Variants in MARCHF1 observed in about 807,000 individuals in gnomAD.
MARCHF1 encodes membrane associated ring-CH-type finger 1.
Under a neutral mutation model 54.2 loss-of-function variants are expected in MARCHF1, and 40 were observed. The ratio of observed to expected loss-of-function variants is 0.74; its 90% CI spans 0.57 to 0.96. The LOEUF (loss-of-function observed/expected upper bound fraction) is 0.96, where lower values mean the gene tolerates loss of function less well. Ranked by LOEUF, MARCHF1 falls within the 40% of genes least tolerant of loss-of-function variation. The probability of loss-of-function intolerance (pLI) is 0.00; values close to 1 mark genes in which losing one functional copy is unlikely to be tolerated. For synonymous variants in MARCHF1, 236 were observed against 236.3 expected, an observed-to-expected ratio of 1.00 and a Z score of 0.01; for missense variants, 586 against 656.5, an observed-to-expected ratio of 0.89 and a Z score of 1.17.
rs1365562447 is a variant in MARCHF1, at chr4:163,526,829, C to T, written c.*1919G>A. 1 of 151,940 alleles carries T rather than the reference C, an allele frequency of 6.6e-6. No individual in the cohort carries two copies. Among genetic ancestry groups the T allele is most frequent in the African/African-American group, 2.4e-5 (1 of 41,426 alleles). 9.4% of individuals were successfully genotyped at this position (151,940 alleles called of 1,614,324 possible). A position where few individuals can be genotyped will look rare whatever the true frequency, so the allele number is the denominator to read the frequency against. ...TTCCCCGCATATATACATGACTACA[C>T]ACACGCCATACACACACACAAAATT... On this transcript the variant is annotated 3_prime_UTR_variant, in exon 10 of 10. Coordinates refer to ENST00000514618, the MANE Select transcript of MARCHF1 (RefSeq NM_001394959.1).
chr4:164,043,361 C>T (rs1579485498), intron 2 of MARCHF1, among the ~76,000 whole-genome samples: 1 of 152,112 alleles, frequency 6.6e-6, no homozygotes, highest in Admixed American at 6.5e-5. Flanking sequence ...GGCCCAATAC[C>T]ACATGGAAAC....
intron 2 of MARCHF1, among the ~76,000 whole-genome samples, chr4:164,081,370 A>G (rs538365313): frequency 6.6e-6 from 1 of 152,216 alleles, no homozygotes; most frequent in Non-Finnish European, 1.5e-5. Flanking sequence ...GGGAAATAAT[A>G]CTGTTTTAAT....
chr4:164,011,396 TA>T (rs59538781), intron 2 of MARCHF1, among the ~76,000 whole-genome samples: 148,370 of 152,276 alleles, frequency 0.97, 72,400 homozygotes, highest in South Asian at 1. Flanking sequence ...AACCATAATA[TA>T]ATGAAAAGCT....
At chr4:164,150,970 C>G (rs1177979856) in intron 1 of MARCHF1, among the ~76,000 whole-genome samples, 2 of 152,056 alleles carry the variant, frequency 1.3e-5, no homozygotes, top group East Asian at 1.9e-4. Flanking sequence ...TGGTGGAGTG[C>G]TGTGATGTGA....
intron 5 of MARCHF1, among the ~76,000 whole-genome samples, chr4:163,663,903 T>C (rs904839928): frequency 1.3e-5 from 2 of 151,860 alleles, no homozygotes; most frequent in Non-Finnish European, 2.9e-5. Context: ...ATTAACACAG[T>C]TATGTCAAAG....
intron 1 of MARCHF1, among the ~76,000 whole-genome samples, chr4:164,151,924 A>G (rs1729953958): frequency 6.6e-6 from 1 of 151,918 alleles, no homozygotes; most frequent in Admixed American, 6.6e-5. Context: ...GCCCTTCACA[A>G]TCTTACCAAG....
At chr4:164,197,287 T>C (rs371295964) in intron 1 of MARCHF1, 36 of 1,611,554 alleles carry the variant, frequency 2.2e-5, no homozygotes, top group Non-Finnish European at 3.0e-5. Flanking sequence ...GTAACAGCTG[T>C]CGAGATATGT....
At chr4:164,085,801 G>A (rs1755181634) in intron 2 of MARCHF1, among the ~76,000 whole-genome samples, 1 of 151,646 alleles carries the variant, frequency 6.6e-6, no homozygotes, top group East Asian at 1.9e-4. Flanking sequence ...TACTATCTTG[G>A]TGCATAAAAA....
chr4:164,261,442 TA>T (rs1189746961), intron 1 of MARCHF1, among the ~76,000 whole-genome samples: 1 of 152,086 alleles, frequency 6.6e-6, no homozygotes, highest in Non-Finnish European at 1.5e-5. Flanking sequence ...TAAGGTACCT[TA>T]AAAAAATTAT....
chr4:164,171,192 ATCT>A (rs754897238), intron 1 of MARCHF1, among the ~76,000 whole-genome samples: 28,606 of 151,896 alleles, frequency 0.19, 4,296 homozygotes, highest in African/African-American at 0.41. Flanking sequence ...TTTTATGAAC[ATCT>A]TTATTTTATT....
At chr4:163,885,982 G>T (rs1579365564) in intron 3 of MARCHF1, among the ~76,000 whole-genome samples, 1 of 145,286 alleles carries the variant, frequency 6.9e-6, no homozygotes, top group African/African-American at 2.5e-5. Flanking sequence ...TATATATAAA[G>T]ATAAATAGAT....
intron 3 of MARCHF1, among the ~76,000 whole-genome samples, chr4:163,926,927 T>C (rs919610312): frequency 6.6e-6 from 1 of 151,608 alleles, no homozygotes; most frequent in Non-Finnish European, 1.5e-5. Context: ...AGAATGCATA[T>C]GTCATAGAAC....
chr4:164,001,786 T>TA (rs994286462), intron 2 of MARCHF1, among the ~76,000 whole-genome samples: 1 of 151,764 alleles, frequency 6.6e-6, no homozygotes, highest in Non-Finnish European at 1.5e-5. Flanking sequence ...AAACGAGCTA[T>TA]AAAGAGAAAG....
intron 2 of MARCHF1, among the ~76,000 whole-genome samples, chr4:164,075,150 G>A (rs112831307): frequency 5.1e-4 from 77 of 152,232 alleles, no homozygotes; most frequent in African/African-American, 1.7e-3. Context: ...AAAGAAAACA[G>A]CAAAAGTGTC....
chr4:163,831,601 A>C (rs114906455), intron 4 of MARCHF1, among the ~76,000 whole-genome samples: 9 of 152,064 alleles, frequency 5.9e-5, no homozygotes, highest in African/African-American at 2.2e-4. Context: ...TAATCAATTA[A>C]ATTTTAAAAA....
At chr4:163,849,672 A>G (rs1009326270) in intron 4 of MARCHF1, among the ~76,000 whole-genome samples, 20 of 152,158 alleles carry the variant, frequency 1.3e-4, no homozygotes, top group South Asian at 4.1e-4. Flanking sequence ...CCTAAACCAT[A>G]TATCTCCATG....
At chr4:163,623,280 T>C (rs536264341) in intron 5 of MARCHF1, among the ~76,000 whole-genome samples, 3 of 152,258 alleles carry the variant, frequency 2.0e-5, no homozygotes, top group East Asian at 1.9e-4. Flanking sequence ...GGATCCATTA[T>C]AGTACTCAGG....
At chr4:164,142,418 C>T (rs1345181077) in intron 1 of MARCHF1, among the ~76,000 whole-genome samples, 3 of 152,146 alleles carry the variant, frequency 2.0e-5, no homozygotes, top group Admixed American at 2.0e-4. Flanking sequence ...ACTTAAATGT[C>T]CCTGTCTGAC....
At chr4:163,524,488 C>T (rs1162820489), downstream of MARCHF1, 1 of 152,118 alleles carries the variant, frequency 6.6e-6, no homozygotes, top group Non-Finnish European at 1.5e-5. Context: ...TGTGATTTCT[C>T]TTGAACTCTT....
Sources: gnomAD v4.1 joint callset for allele counts (sites outside exome capture counted in the v4.1 genomes callset) on GRCh38, gnomAD v4.1.1 for gene constraint, MANE v1.5 for transcripts, NCBI Gene and HGNC (gene_info 2026-07-23, HGNC 2026-07-21) for gene names.